Variants in MTRR observed in about 807,000 individuals in gnomAD.
The protein encoded by MTRR is methionine synthase reductase.
MTRR carries 63 observed loss-of-function variants against 79.2 expected under a neutral mutation model. The ratio of observed to expected loss-of-function variants is 0.80; its 90% confidence interval spans 0.65 to 0.98. The LOEUF (loss-of-function observed/expected upper bound fraction) is 0.98. Among genes scored for constraint, MTRR ranks in the 50% least tolerant of loss-of-function variants. MTRR has a pLI of 0.00. For missense variants in MTRR, 895 were observed against 839.6 expected (o/e 1.07, Z -0.82); for synonymous variants, 355 against 313.3 (o/e 1.13, Z -1.41).
chr5:7,889,217 C>G lies in MTRR; in HGVS notation c.1269C>G (p.Cys423Trp), dbSNP rs775011169. Residue 423 changes from cysteine to tryptophan, a missense_variant, in exon 9 of 15, where the codon TGC (cysteine) becomes TGG (tryptophan). Coordinates refer to ENST00000440940, the MANE Select transcript of MTRR (RefSeq NM_002454.3). Reference sequence around the variant, plus strand: ...GCTTTGTACGAGATGCCTGTGCCTGCTTGTTGGATCTCCTCCTCGCTTTCC... The same window carrying G: ...GCTTTGTACGAGATGCCTGTGCCTGGTTGTTGGATCTCCTCCTCGCTTTCC... ...YSRFVRDACA[C>W]LLDLLLAFPS... 38 of 1,613,554 alleles carry G rather than the reference C, an allele frequency of 2.4e-5. No homozygotes were observed. The highest frequency in any genetic ancestry group is 3.1e-5 in the Non-Finnish European group (37 of 1,180,018).
chr5:7,866,962 G>A (rs147382123), upstream of MTRR: 131 of 1,614,144 alleles, frequency 8.1e-5, no homozygotes, highest in African/African-American at 1.6e-3. Context: ...AGTACTCCAT[G>A]ACCCTGCAGA....
At chr5:7,897,927 T>C (rs1033778286) in intron 14 of MTRR, among the ~76,000 whole-genome samples, 7 of 152,294 alleles carry the variant, frequency 4.6e-5, no homozygotes, top group African/African-American at 1.7e-4. Context: ...CTTTTTTTTT[T>C]CAACTGTAAT....
intron 14 of MTRR, among the ~76,000 whole-genome samples, chr5:7,898,381 A>G (rs1445141939): frequency 6.6e-6 from 1 of 152,050 alleles, no homozygotes; most frequent in Non-Finnish European, 1.5e-5. Context: ...TTAAATGTCC[A>G]GACTCCTAAA....
At chr5:7,859,522 A>G (rs757025703) in intron 1 of MTRR, 1 of 1,598,734 alleles carries the variant, frequency 6.3e-7, no homozygotes, top group African/African-American at 1.3e-5. Flanking sequence ...TTAGCATCCC[A>G]ATCTCATGAT....
Position 7,889,113 on chromosome 5 carries a change from G to A in MTRR, c.1165G>A (p.Val389Met), listed in dbSNP as rs774333382. 1.7e-5 allele frequency: 27 copies of A among 1,614,084 alleles called. No individual in the cohort carries two copies. The South Asian group carries it at 2.9e-4, about 17-fold the overall frequency. The change falls in exon 9 of 15, where the codon GTG becomes ATG. Residue 389 changes from valine (V) to methionine (M), a missense_variant. Coordinates refer to ENST00000440940, the MANE Select transcript of MTRR (RefSeq NM_002454.3). Reference protein sequence around the residue: ...IPKKAFLRALVDYTSDSAEKR... With the variant: ...IPKKAFLRALMDYTSDSAEKR... ...TTTGTAGGCATTTTTGCGAGCCCTT[G>A]TGGACTATACCAGTGACAGTGCTGA...
Position 7,886,704 on chromosome 5 carries a change from G to T in MTRR, c.1146+1G>T. 2 of 1,606,656 alleles carry T rather than the reference G, an allele frequency of 1.2e-6. No individual in the cohort carries two copies. The highest frequency in any genetic ancestry group is 1.7e-6 in the Non-Finnish European group (2 of 1,173,352). ...TGAAATCCGAGCAATTCCTAAAAAG[G>T]TATTTTTTTCTGTCTTCTTCAGGTA... On this transcript the variant is annotated splice_donor_variant, in intron 8 of 14. Transcript: ENST00000440940. LOFTEE classifies it high-confidence loss of function.
At chr5:7,898,184 GAC>G (rs1738855684) in intron 14 of MTRR, among the ~76,000 whole-genome samples, 1 of 152,070 alleles carries the variant, frequency 6.6e-6, no homozygotes, top group Non-Finnish European at 1.5e-5. Context: ...AGAAATTCTA[GAC>G]ATTGTTTTGG....
At chr5:7,862,493 G>A (rs1746622161) in intron 2 of MTRR, among the ~76,000 whole-genome samples, 1 of 152,126 alleles carries the variant, frequency 6.6e-6, no homozygotes, top group South Asian at 2.1e-4. Context: ...AACAATTAGT[G>A]AGCATTTCCT....
chr5:7,889,879 G>A (rs1015283177), intron 9 of MTRR, among the ~76,000 whole-genome samples: 1 of 152,134 alleles, frequency 6.6e-6, no homozygotes, highest in African/African-American at 2.4e-5. Context: ...CAGATGAAGA[G>A]TAACCCATTT....
chr5:7,884,884 A>T (rs1736162710), intron 6 of MTRR, among the ~76,000 whole-genome samples: 1 of 152,264 alleles, frequency 6.6e-6, no homozygotes, highest in Admixed American at 6.5e-5. Context: ...ACAGAAAAAA[A>T]TACAATGTGT....
Position 7,900,776 on chromosome 5 carries a change from G to A in MTRR, c.*718G>A, listed in dbSNP as rs1739354324. On this transcript the variant is annotated 3_prime_UTR_variant, in exon 15 of 15. Transcript: ENST00000440940. ...GCATTCAATTTACAGGTACCAGTAC[G>A]TACATATTTTAATAGAAAGATACAA... is the stretch of plus-strand genomic sequence containing the variant. 6.6e-6 allele frequency: 1 copy of A among 152,450 alleles called. No homozygotes were observed. Among genetic ancestry groups the A allele is most frequent in the African/African-American group, 2.4e-5 (1 of 41,380 alleles). 9.4% of individuals were successfully genotyped at this position (152,450 alleles called of 1,614,324 possible).
intron 1 of MTRR, among the ~76,000 whole-genome samples, chr5:7,852,747 T>C (rs537102610): frequency 2.0e-5 from 3 of 152,322 alleles, no homozygotes; most frequent in South Asian, 2.1e-4. Flanking sequence ...TATGTTTTTT[T>C]TTTTTAAGCC....
chr5:7,891,620 C>A (rs1007948931), intron 10 of MTRR, among the ~76,000 whole-genome samples: 6 of 152,170 alleles, frequency 3.9e-5, no homozygotes, highest in African/African-American at 1.4e-4. Flanking sequence ...GGTGGCTTCC[C>A]ATGGCCCAGT....
rs1015760904 is a variant in MTRR, at chr5:7,889,084, C to G, written c.1147-11C>G. On this transcript the variant is annotated splice_polypyrimidine_tract_variant and intron_variant, in intron 8 of 14. Transcript: ENST00000440940. ...ATTGTGTCACAATTTAAGGCGGGCT[C>G]CTTTTTGTAGGCATTTTTGCGAGCC... is the stretch of plus-strand genomic sequence containing the variant. 7.4e-6 allele frequency: 12 copies of G among 1,613,966 alleles called. No individual in the cohort carries two copies. The highest frequency in any genetic ancestry group is 9.3e-6 in the Non-Finnish European group (11 of 1,180,050).
chr5:7,867,534 C>G, upstream of MTRR: 4 of 1,614,272 alleles, frequency 2.5e-6, no homozygotes, highest in Non-Finnish European at 3.4e-6. Flanking sequence ...AGAATCAGAG[C>G]TTGCAAAGCA....
intron 4 of MTRR, among the ~76,000 whole-genome samples, chr5:7,876,900 T>G (rs992988033): frequency 1.3e-5 from 2 of 152,242 alleles, no homozygotes; most frequent in Non-Finnish European, 2.9e-5. Context: ...CACTATCACC[T>G]TAATATTTCT....
intron 2 of MTRR, among the ~76,000 whole-genome samples, chr5:7,863,789 A>C (rs1746723340): frequency 6.6e-6 from 1 of 152,198 alleles, no homozygotes; most frequent in African/African-American, 2.4e-5. Flanking sequence ...GACTATAGTT[A>C]ATAAGAATGA....
At chr5:7,854,000 A>G (rs769177046) in intron 1 of MTRR, among the ~76,000 whole-genome samples, 1 of 152,192 alleles carries the variant, frequency 6.6e-6, no homozygotes, top group Non-Finnish European at 1.5e-5. Flanking sequence ...AGATGAAACC[A>G]TGGGCAAGGC....
upstream of MTRR, chr5:7,851,133 T>C: frequency 8.4e-7 from 1 of 1,197,482 alleles, no homozygotes; most frequent in Non-Finnish European, 1.0e-6. Flanking sequence ...AGCCCGCGTC[T>C]GTGTTCGGTC....
Sources: allele counts gnomAD v4.1 joint callset (sites outside exome capture counted in the v4.1 genomes callset), GRCh38; gene constraint gnomAD v4.1.1; transcripts MANE v1.5; gene names NCBI Gene and HGNC (gene_info 2026-07-23, HGNC 2026-07-21).